Variants in OTOP1 observed in about 807,000 individuals in gnomAD.
OTOP1 encodes the protein otopetrin 1, also known as proton channel OTOP1.
OTOP1 carries 59 observed loss-of-function variants against 52.9 expected under a neutral mutation model. That is an observed-to-expected ratio of 1.12 (90% CI 0.91 to 1.39). The LOEUF (loss-of-function observed/expected upper bound fraction) is 1.39, where lower values mean the gene tolerates loss of function less well. Ranked by LOEUF, OTOP1 falls within the 40% of genes most tolerant of loss-of-function variation. The probability of loss-of-function intolerance (pLI) is 0.00; values close to 1 mark genes in which losing one functional copy is unlikely to be tolerated. For missense variants in OTOP1, 761 were observed against 800.9 expected (o/e 0.95, Z 0.60); for synonymous variants, 317 against 337.7 (o/e 0.94, Z 0.67).
intron 1 of OTOP1, among the ~76,000 whole-genome samples, chr4:4,216,342 G>C (rs996325242): frequency 4.6e-5 from 7 of 152,202 alleles, no homozygotes; most frequent in African/African-American, 1.7e-4. Context: ...AAAAGGCAGT[G>C]ATCACGAGGA....
intron 1 of OTOP1, among the ~76,000 whole-genome samples, chr4:4,217,719 G>C (rs916080590): frequency 2.0e-5 from 3 of 152,136 alleles, no homozygotes; most frequent in African/African-American, 7.2e-5. Context: ...TGAGGTTGAA[G>C]GTACATGGGC....
At position 4,207,953 on chromosome 4, in the gene OTOP1, T is replaced by C. The variant is rs185245666; in HGVS notation, c.541-1823A>G. ...TATGGGTAGATAAGAGGCAAATGGTTGCATTCTTTTGAGTCTTTGATCAGC... is the reference window on the plus strand; with the variant it reads ...TATGGGTAGATAAGAGGCAAATGGTCGCATTCTTTTGAGTCTTTGATCAGC... On this transcript the variant is annotated intron_variant, in intron 2 of 5. Coordinates refer to ENST00000296358, the MANE Select transcript of OTOP1 (RefSeq NM_177998.3). Among the ~76,000 whole-genome samples the C allele has an allele frequency of 4.4e-4, 67 of 152,318 alleles. 1 individual carries two copies. In the East Asian group the frequency reaches 0.013, roughly 28 times the overall value.
intron 5 of OTOP1, among the ~76,000 whole-genome samples, chr4:4,192,734 G>A (rs778161388): frequency 2.6e-5 from 4 of 152,212 alleles, no homozygotes; most frequent in East Asian, 1.9e-4. Context: ...GTCACCCTTC[G>A]CGAGTTGCAA....
intron 1 of OTOP1, among the ~76,000 whole-genome samples, chr4:4,213,704 CATCT>C (rs1717073236): frequency 6.6e-6 from 1 of 152,018 alleles, no homozygotes; most frequent in Non-Finnish European, 1.5e-5. Context: ...TGTATTTATC[CATCT>C]ATCTGTTGAT....
At position 4,200,536 on chromosome 4, in the gene OTOP1, T is replaced by G. The variant is rs187200032; in HGVS notation, c.730+1912A>C. On this transcript the variant is annotated intron_variant, in intron 4 of 5. Coordinates refer to ENST00000296358, the MANE Select transcript of OTOP1 (RefSeq NM_177998.3). ...CATTAATTTTACTGTCACAGAACAC[T>G]ATGAAATTTTCTTTTTCTTTTTTTT... is the stretch of plus-strand genomic sequence containing the variant. Among the ~76,000 whole-genome samples the G allele has an allele frequency of 7.7e-3, 1,167 of 150,882 alleles. 7 individuals are homozygous for G. Among genetic ancestry groups the G allele is most frequent in the Non-Finnish European group, 0.012 (836 of 67,788 alleles).
chr4:4,210,713 CG>C (rs1717006871), intron 2 of OTOP1, among the ~76,000 whole-genome samples: 1 of 152,110 alleles, frequency 6.6e-6, no homozygotes, highest in Admixed American at 6.6e-5. Flanking sequence ...TGTCTGTCAT[CG>C]GAGCTACTTG....
At chr4:4,203,889 G>A (rs370406793) in intron 3 of OTOP1, among the ~76,000 whole-genome samples, 3 of 152,314 alleles carry the variant, frequency 2.0e-5, no homozygotes, top group African/African-American at 7.2e-5. Context: ...GCAGATCCAT[G>A]GAACCTTCCA....
chr4:4,197,727 G>C lies in OTOP1; in HGVS notation c.1107C>G (p.Ile369Met). 6.2e-7 allele frequency: 1 copy of C among 1,613,924 alleles called. No homozygotes were observed. The highest frequency in any genetic ancestry group is 8.5e-7 in the Non-Finnish European group (1 of 1,179,990). ...MLMGAAGLAG[I>M]RIYRIDEKSL... Reference sequence around the variant, plus strand: ...ACTTCTCGTCTATCCTGTAAATCCGGATTCCAGCCAGCCCCGCAGCCCCCA... The same window carrying C: ...ACTTCTCGTCTATCCTGTAAATCCGCATTCCAGCCAGCCCCGCAGCCCCCA... The change falls in exon 5 of 6, where the codon ATC (isoleucine) becomes ATG (methionine). Residue 369 changes from isoleucine (I) to methionine (M), a missense_variant. Coordinates refer to ENST00000296358, the MANE Select transcript of OTOP1 (RefSeq NM_177998.3).
chr4:4,195,132 C>T (rs1366513067), intron 5 of OTOP1, among the ~76,000 whole-genome samples: 1 of 152,176 alleles, frequency 6.6e-6, no homozygotes, highest in East Asian at 1.9e-4. Flanking sequence ...GCCTAGGAAG[C>T]CCTGCTCAAG....
Position 4,212,961 on chromosome 4 carries a change from G to A in OTOP1, c.447C>T (p.Cys149=), listed in dbSNP as rs746564651. 6.2e-7 allele frequency: 1 copy of A among 1,614,030 alleles called. No homozygotes were observed. Among genetic ancestry groups the A allele is most frequent in the Non-Finnish European group, 8.5e-7 (1 of 1,179,906 alleles). The part of the protein sequence containing the change: ...LFAVITVILG[C]LKIGYFIGFS... ...ATCCAATGAAGTATCCAATTTTAAG[G>A]CATCCCAGGATGACGGTAATGACTG... The change falls in exon 2 of 6, where the codon TGC becomes TGT. Residue 149 remains cysteine (C), a synonymous_variant. Transcript: ENST00000296358.
At chr4:4,189,400 C>T (rs1465110394) in intron 5 of OTOP1, among the ~76,000 whole-genome samples, 1 of 152,228 alleles carries the variant, frequency 6.6e-6, no homozygotes, top group African/African-American at 2.4e-5. Context: ...CCCTGCTTCT[C>T]AGACTCTTTT....
chr4:4,189,112 C>A, intron 5 of OTOP1, 139 bp from the exon 6 acceptor site: 1 of 719,716 alleles, frequency 1.4e-6, no homozygotes, highest in Non-Finnish European at 2.3e-6. Context: ...AATAAGGAGA[C>A]CTCATGGCAT....
intron 3 of OTOP1, among the ~76,000 whole-genome samples, chr4:4,203,245 C>T (rs943013753): frequency 2.0e-5 from 3 of 152,226 alleles, no homozygotes; most frequent in Middle Eastern, 3.2e-3. Flanking sequence ...TGAATGTGGA[C>T]ATGAAGGCTG....
chr4:4,205,079 G>A (rs1489295474), intron 3 of OTOP1, among the ~76,000 whole-genome samples: 1 of 152,080 alleles, frequency 6.6e-6, no homozygotes, highest in Non-Finnish European at 1.5e-5. Context: ...GTCCTACATG[G>A]TGCTTTCTTA....
At chr4:4,189,350 T>C (rs1323957321) in intron 5 of OTOP1, among the ~76,000 whole-genome samples, 1 of 152,190 alleles carries the variant, frequency 6.6e-6, no homozygotes, top group Admixed American at 6.5e-5. Flanking sequence ...CTGAAAGCAA[T>C]GACTTTTGTT....
At chr4:4,194,841 A>C (rs1560204745) in intron 5 of OTOP1, among the ~76,000 whole-genome samples, 3 of 151,902 alleles carry the variant, frequency 2.0e-5, no homozygotes, top group Non-Finnish European at 4.4e-5. Context: ...CCCCCTCCTC[A>C]CCAACCCCCA....
At chr4:4,202,653 GCA>G in intron 3 of OTOP1, 75 bp from the exon 4 acceptor site, 7 of 1,559,832 alleles carry the variant, frequency 4.5e-6, no homozygotes, top group Non-Finnish European at 6.1e-6. Context: ...ACAGACGTGT[GCA>G]CACAAATACA....
At chr4:4,192,207 A>G (rs1716524498) in intron 5 of OTOP1, among the ~76,000 whole-genome samples, 1 of 152,124 alleles carries the variant, frequency 6.6e-6, no homozygotes, top group Non-Finnish European at 1.5e-5. Flanking sequence ...CTGAACCACC[A>G]AGTACGGAGT....
chr4:4,204,276 T>C (rs1716850174), intron 3 of OTOP1, among the ~76,000 whole-genome samples: 1 of 152,164 alleles, frequency 6.6e-6, no homozygotes, highest in African/African-American at 2.4e-5. Context: ...TGTTTGCCCC[T>C]TGTGCTTGCC....
Sources: gnomAD v4.1 joint callset for allele counts (sites outside exome capture counted in the v4.1 genomes callset) on GRCh38, gnomAD v4.1.1 for gene constraint, MANE v1.5 for transcripts, NCBI Gene and HGNC (gene_info 2026-07-23, HGNC 2026-07-21) for gene names.